Variants in CDH4 observed in about 807,000 individuals in gnomAD.
CDH4 encodes the protein cadherin-4.
A neutral mutation model predicts 86.0 loss-of-function variants in CDH4; 33 were observed. The observed-to-expected ratio is 0.38, with a 90% CI of 0.29 to 0.51. The LOEUF (loss-of-function observed/expected upper bound fraction) is 0.51, where lower values mean the gene tolerates loss of function less well. Ranked by LOEUF, CDH4 falls within the 20% of genes least tolerant of loss-of-function variation. The pLI is 0.86. For missense variants in CDH4, 1,114 were observed against 1,307.4 expected, an observed-to-expected ratio of 0.85 and a Z score of 2.28; for synonymous variants, 555 against 549.4, an observed-to-expected ratio of 1.01 and a Z score of -0.14.
At chr20:61,300,420 C>T (rs377609138) in intron 2 of CDH4, among the ~76,000 whole-genome samples, 1 of 152,124 alleles carries the variant, frequency 6.6e-6, no homozygotes, top group African/African-American at 2.4e-5. Context: ...TGCTGGGCTC[C>T]GGCACAGGGC....
At chr20:61,882,437 A>G (rs1025987733) in intron 7 of CDH4, among the ~76,000 whole-genome samples, 2 of 152,236 alleles carry the variant, frequency 1.3e-5, no homozygotes, top group African/African-American at 2.4e-5. Flanking sequence ...CTCGGTCAAC[A>G]TCGAAACGAG....
chr20:61,325,300 C>A (rs2084530878), intron 2 of CDH4, among the ~76,000 whole-genome samples: 1 of 152,020 alleles, frequency 6.6e-6, no homozygotes, highest in Non-Finnish European at 1.5e-5. Flanking sequence ...AAGCTGGCAT[C>A]CCTGAATTTT....
intron 2 of CDH4, among the ~76,000 whole-genome samples, chr20:61,263,504 C>T (rs1176537918): frequency 6.6e-6 from 1 of 152,190 alleles, no homozygotes; most frequent in Non-Finnish European, 1.5e-5. Context: ...TCATTTAACG[C>T]TGTCAGGAGA....
Position 61,253,297 on chromosome 20 carries a change from C to G in CDH4, c.57+727C>G, listed in dbSNP as rs563544676. ...CGGGAGGGCGCCCCGGGAGGGCGAG[C>G]GGGTCTCCCGCTGCCTCTGCAGAGC... On this transcript the variant is annotated intron_variant, in intron 1 of 15. Coordinates refer to ENST00000614565, the MANE Select transcript of CDH4 (RefSeq NM_001794.5). 2.8e-4 allele frequency among the ~76,000 whole-genome samples: 42 copies of G among 151,450 alleles called. No homozygotes were observed. In the South Asian group the frequency reaches 8.5e-3, roughly 31 times the overall value.
chr20:61,278,537 T>C (rs78704833), intron 2 of CDH4, among the ~76,000 whole-genome samples: 11,093 of 152,322 alleles, frequency 0.073, 592 homozygotes, highest in Non-Finnish European at 0.11. Context: ...AGCTGCCCCT[T>C]CTGCTCTGAG....
chr20:61,644,853 G>A (rs2087045957), intron 2 of CDH4, among the ~76,000 whole-genome samples: 2 of 152,254 alleles, frequency 1.3e-5, no homozygotes, highest in Non-Finnish European at 2.9e-5. Flanking sequence ...CCAGCCTGCA[G>A]AAAACACATG....
At chr20:61,429,581 G>GGGTGGGTGGGTGGATAGATGGACGGATT (rs2085233371) in intron 2 of CDH4, among the ~76,000 whole-genome samples, 2 of 151,716 alleles carry the variant, frequency 1.3e-5, no homozygotes, top group African/African-American at 4.8e-5. Context: ...GTGGACAGAT[G>GGGTGGGTGGGTGGATAGATGGACGGATT]GGTGGGTGGG....
chr20:61,502,321 G>C (rs1251884761), intron 2 of CDH4, among the ~76,000 whole-genome samples: 1 of 152,138 alleles, frequency 6.6e-6, no homozygotes, highest in Non-Finnish European at 1.5e-5. Context: ...CGTTTTTCCT[G>C]AGTGTAGCTT....
intron 2 of CDH4, among the ~76,000 whole-genome samples, chr20:61,675,719 CGT>C: frequency 1.0e-5 from 1 of 98,044 alleles, no homozygotes. Context: ...AAACAACCAT[CGT>C]AGGGCTGAGG....
intron 2 of CDH4, among the ~76,000 whole-genome samples, chr20:61,313,360 C>G (rs185431727): frequency 3.3e-5 from 5 of 152,240 alleles, no homozygotes; most frequent in African/African-American, 9.6e-5. Flanking sequence ...GAAGTAGGTG[C>G]GAGCACTCCC....
At chr20:61,521,243 G>A (rs953927132) in intron 2 of CDH4, among the ~76,000 whole-genome samples, 3 of 152,032 alleles carry the variant, frequency 2.0e-5, no homozygotes, top group South Asian at 2.1e-4. Flanking sequence ...CATTGGGAGC[G>A]GGTCTGTGCT....
At chr20:61,826,369 G>A (rs1374498829) in intron 4 of CDH4, among the ~76,000 whole-genome samples, 1 of 152,222 alleles carries the variant, frequency 6.6e-6, no homozygotes, top group Non-Finnish European at 1.5e-5. Flanking sequence ...TTTTCTGGCT[G>A]GAATGCTCTT....
At chr20:61,833,441 G>C (rs545832963) in intron 4 of CDH4, among the ~76,000 whole-genome samples, 2 of 151,940 alleles carry the variant, frequency 1.3e-5, no homozygotes, top group African/African-American at 2.4e-5. Flanking sequence ...ATAGTATTCC[G>C]GCATTATTAC....
At chr20:61,425,473 A>G (rs2085207533) in intron 2 of CDH4, among the ~76,000 whole-genome samples, 1 of 152,044 alleles carries the variant, frequency 6.6e-6, no homozygotes, top group South Asian at 2.1e-4. Context: ...AGGAAACCCC[A>G]TGTCTCCAGC....
chr20:61,353,700 C>T, intron 2 of CDH4, among the ~76,000 whole-genome samples: 2 of 49,246 alleles, frequency 4.1e-5, no homozygotes, highest in South Asian at 8.7e-4. Context: ...TCCTCCCCTC[C>T]TCCTCCTCCC....
intron 2 of CDH4, among the ~76,000 whole-genome samples, chr20:61,381,941 TG>T (rs1235202012): frequency 2.5e-5 from 3 of 121,352 alleles, no homozygotes; most frequent in African/African-American, 1.0e-4. Context: ...CCAGGCATGG[TG>T]GCAGGCACCT....
intron 2 of CDH4, among the ~76,000 whole-genome samples, chr20:61,729,487 CCT>C (rs2088153080): frequency 6.6e-6 from 1 of 152,198 alleles, no homozygotes; most frequent in South Asian, 2.1e-4. Context: ...TAGAGAAATT[CCT>C]CTCTTTATAT....
chr20:61,747,131 G>A (rs551286298), intron 3 of CDH4, among the ~76,000 whole-genome samples: 3 of 152,300 alleles, frequency 2.0e-5, no homozygotes, highest in Admixed American at 6.5e-5. Context: ...ACAATCGAAA[G>A]AAGAGGCAGA....
At chr20:61,288,026 G>A (rs935726249) in intron 2 of CDH4, among the ~76,000 whole-genome samples, 6 of 152,204 alleles carry the variant, frequency 3.9e-5, no homozygotes, top group East Asian at 3.9e-4. Context: ...GAAAGGAAAC[G>A]ACAGCCAACA....
Sources: gnomAD v4.1 joint callset for allele counts (sites outside exome capture counted in the v4.1 genomes callset) on GRCh38, gnomAD v4.1.1 for gene constraint, MANE v1.5 for transcripts, NCBI Gene and HGNC (gene_info 2026-07-23, HGNC 2026-07-21) for gene names.